The following CAST variants were observed in gnomAD, a reference collection of about 807,000 sequenced individuals.
CAST encodes the protein calpastatin.
CAST carries 76 observed loss-of-function variants against 119.6 expected under a neutral mutation model. The ratio of observed to expected loss-of-function variants is 0.64; its 90% CI spans 0.53 to 0.77. CAST has a LOEUF of 0.77. CAST is among the 30% of genes least tolerant of loss of function. The probability of loss-of-function intolerance (pLI) is 0.00; values close to 1 mark genes in which losing one functional copy is unlikely to be tolerated. For missense variants in CAST, 953 were observed against 946.5 expected (o/e 1.01, Z -0.09); for synonymous variants, 319 against 331.6 (o/e 0.96, Z 0.41).
At chr5:96,042,992 T>C in the CAST span, among the ~76,000 whole-genome samples, 1 of 152,076 alleles carries the variant, frequency 6.6e-6, no homozygotes, top group African/African-American at 2.4e-5. Context: ...GAAGTGACAA[T>C]GCTGAGTATA....
chr5:96,260,142 T>C, the CAST span, among the ~76,000 whole-genome samples: 2 of 152,008 alleles, frequency 1.3e-5, no homozygotes, highest in Non-Finnish European at 2.9e-5. Context: ...TAGTGTGAAC[T>C]AGGGTTTAAA....
intron 3 of CAST, among the ~76,000 whole-genome samples, chr5:96,717,269 T>C (rs938217619): frequency 6.6e-6 from 1 of 152,138 alleles, no homozygotes; most frequent in Non-Finnish European, 1.5e-5. Context: ...GTGAGAAATA[T>C]CAACACAAGA....
At chr5:96,560,912 T>C (rs570854303) in intron 1 of CAST, among the ~76,000 whole-genome samples, 1 of 152,324 alleles carries the variant, frequency 6.6e-6, no homozygotes, top group African/African-American at 2.4e-5. Flanking sequence ...CATATGTTTA[T>C]TGTGGCACTA....
chr5:96,670,513 T>G (rs543276621), intron 1 of CAST, among the ~76,000 whole-genome samples: 50 of 152,354 alleles, frequency 3.3e-4, no homozygotes, highest in Non-Finnish European at 5.7e-4. Flanking sequence ...TTTTTCTTTT[T>G]TTTGTGATGG....
Position 96,534,713 on chromosome 5 carries a change from A to G in CAST, c.60+4833A>G, listed in dbSNP as rs1238578025. 5.4e-4 allele frequency among the ~76,000 whole-genome samples: 21 copies of G among 38,636 alleles called. 2 individuals are homozygous for G. Among genetic ancestry groups the G allele is most frequent in the Middle Eastern group, 0.011 (1 of 92 alleles). 25.3% of individuals were successfully genotyped at this position (38,636 alleles called of 152,430 possible). A position where few individuals can be genotyped will look rare whatever the true frequency, so the allele number is the denominator to read the frequency against. ...GAGGAAGGAAGGAAGGAAGGAAGGAAGGAGAGAGAGAGAGAGAGAGAGAGA... is the reference window on the plus strand; with the variant it reads ...GAGGAAGGAAGGAAGGAAGGAAGGAGGGAGAGAGAGAGAGAGAGAGAGAGA... On this transcript the variant is annotated intron_variant, in intron 1 of 11. Transcript: ENST00000505143.
chr5:96,173,618 T>A, the CAST span, among the ~76,000 whole-genome samples: 2 of 152,340 alleles, frequency 1.3e-5, no homozygotes, highest in South Asian at 4.1e-4. Context: ...TGGTAGTAAT[T>A]TACATTATAT....
chr5:96,334,040 A>G, the CAST span, among the ~76,000 whole-genome samples: 1 of 152,206 alleles, frequency 6.6e-6, no homozygotes, highest in Non-Finnish European at 1.5e-5. Context: ...CCTCACTATT[A>G]GCAAACTTGC....
At chr5:96,487,646 T>C in the CAST span, among the ~76,000 whole-genome samples, 1 of 152,250 alleles carries the variant, frequency 6.6e-6, no homozygotes, top group African/African-American at 2.4e-5. Context: ...CAGAGGGCTT[T>C]GGATAGCCAC....
the CAST span, among the ~76,000 whole-genome samples, chr5:96,184,075 A>T: frequency 6.6e-6 from 1 of 152,168 alleles, no homozygotes; most frequent in Non-Finnish European, 1.5e-5. Flanking sequence ...GAAATTCAGG[A>T]CCATCCCAAA....
the CAST span, among the ~76,000 whole-genome samples, chr5:95,974,997 A>T: frequency 6.6e-6 from 1 of 152,198 alleles, no homozygotes. Flanking sequence ...AGAGCATGCC[A>T]TGAAGGAGGA....
chr5:96,179,641 G>T, the CAST span, among the ~76,000 whole-genome samples: 1 of 152,214 alleles, frequency 6.6e-6, no homozygotes, highest in Non-Finnish European at 1.5e-5. Context: ...ACACTTGAGG[G>T]AGGAATAGGA....
the CAST span, among the ~76,000 whole-genome samples, chr5:96,260,941 G>C: frequency 6.6e-6 from 1 of 152,154 alleles, no homozygotes; most frequent in Non-Finnish European, 1.5e-5. Flanking sequence ...TGACAACCTC[G>C]GATGGCTTTA....
intron 22 of CAST, among the ~76,000 whole-genome samples, chr5:96,756,338 G>C (rs1561591245): frequency 6.6e-6 from 1 of 152,206 alleles, no homozygotes; most frequent in Admixed American, 6.5e-5. Context: ...AGATGGTGGA[G>C]AACAAGCCCA....
At chr5:96,082,026 G>T in the CAST span, among the ~76,000 whole-genome samples, 1 of 152,248 alleles carries the variant, frequency 6.6e-6, no homozygotes, top group East Asian at 1.9e-4. Context: ...CGATTCTCCT[G>T]CCTCAGCCTC....
At chr5:96,033,302 A>T in the CAST span, among the ~76,000 whole-genome samples, 456 of 151,558 alleles carry the variant, frequency 3.0e-3, 3 homozygotes, top group African/African-American at 9.2e-3. Context: ...TCACAGAAAT[A>T]AAAAAAAATT....
At chr5:96,520,765 A>G (rs1353239140), upstream of CAST, among the ~76,000 whole-genome samples, 1 of 152,162 alleles carries the variant, frequency 6.6e-6, no homozygotes, top group Non-Finnish European at 1.5e-5. Context: ...GTTCTTTGTC[A>G]TCATTTCATT....
At chr5:96,233,315 GAT>G in the CAST span, among the ~76,000 whole-genome samples, 1 of 152,034 alleles carries the variant, frequency 6.6e-6, no homozygotes, top group African/African-American at 2.4e-5. Flanking sequence ...GGAGAGGAAA[GAT>G]ATAGGACTGG....
At chr5:96,258,211 T>TGTAAGTGG in the CAST span, among the ~76,000 whole-genome samples, 18 of 152,240 alleles carry the variant, frequency 1.2e-4, no homozygotes, top group African/African-American at 3.9e-4. Context: ...TTTCTGAGAG[T>TGTAAGTGG]GTAAGTGGGT....
chr5:96,741,951 G>T, intron 15 of CAST: 1 of 184,296 alleles, frequency 5.4e-6, no homozygotes, highest in Non-Finnish European at 1.1e-5. Flanking sequence ...AGCTGGTACT[G>T]CCCAGCATTC....
Sources: gnomAD v4.1 joint callset for allele counts (sites outside exome capture counted in the v4.1 genomes callset) on GRCh38, gnomAD v4.1.1 for gene constraint, MANE v1.5 for transcripts, NCBI Gene and HGNC (gene_info 2026-07-23, HGNC 2026-07-21) for gene names.